The following C14orf39 variants were observed in gnomAD, a reference collection of about 807,000 sequenced individuals.
C14orf39 encodes the protein chromosome 14 open reading frame 39, also known as protein SIX6OS1.
Under a neutral mutation model 85.6 loss-of-function variants are expected in C14orf39, and 66 were observed. That is an observed-to-expected ratio of 0.77 (90% confidence interval 0.63 to 0.95). The LOEUF (loss-of-function observed/expected upper bound fraction) is 0.95, where lower values mean the gene tolerates loss of function less well. Ranked by LOEUF, C14orf39 falls within the 40% of genes least tolerant of loss-of-function variation. The pLI is 0.00. For missense variants in C14orf39, 735 were observed against 663.9 expected (o/e 1.11, Z -1.18); for synonymous variants, 242 against 214.0 (o/e 1.13, Z -1.14).
rs1440498632 is a variant in C14orf39, at chr14:60,436,020, G to A, written c.*825C>T. 6.6e-6 allele frequency: 1 copy of A among 152,058 alleles called. No individual in the cohort carries two copies. The highest frequency in any genetic ancestry group is 1.5e-5 in the Non-Finnish European group (1 of 67,980). 9.4% of individuals were successfully genotyped at this position (152,058 alleles called of 1,614,324 possible). A position where few individuals can be genotyped will look rare whatever the true frequency, so the allele number is the denominator to read the frequency against. On this transcript the variant is annotated 3_prime_UTR_variant, in exon 18 of 18. Coordinates refer to ENST00000321731, the MANE Select transcript of C14orf39 (RefSeq NM_174978.3). ...TAATTTACAAAGCACAAAATACAAT[G>A]ATATTGAGCAAAATGTTTACAGAAG...
chr14:60,469,684 G>A (rs748971659), intron 7 of C14orf39, 31 bp from the exon 8 acceptor site: 2 of 923,002 alleles, frequency 2.2e-6, no homozygotes, highest in South Asian at 2.8e-5. Context: ...TGTCATATAA[G>A]TAAATTTTAT....
chr14:60,458,569 G>T, intron 14 of C14orf39, 109 bp downstream of exon 14: 1 of 711,658 alleles, frequency 1.4e-6, no homozygotes, highest in Non-Finnish European at 2.2e-6. Context: ...TGATCACCAA[G>T]CTAACAACAT....
At position 60,492,615 on chromosome 14, in the gene C14orf39, AT is replaced by A. The variant is rs1370046142; in HGVS notation, c.-9+6680del. Among the ~76,000 whole-genome samples, 786 of 134,218 alleles carry A rather than the reference AT, an allele frequency of 5.9e-3. 4 individuals carry two copies. The highest frequency in any genetic ancestry group is 0.021 in the African/African-American group (656 of 31,190). The allele number at this position is 134,218 out of a possible 152,430, so 88.1% of individuals were successfully genotyped here. ...ACCTTATCTCTACCAAAAAAAAAAAATAATAATAAAATAAAAAATTAGCTGT... is the reference window on the plus strand; with the variant it reads ...ACCTTATCTCTACCAAAAAAAAAAAAAATAATAAAATAAAAAATTAGCTGT... On this transcript the variant is annotated intron_variant, in intron 2 of 5. Transcript: ENST00000556799.
intron 17 of C14orf39, among the ~76,000 whole-genome samples, chr14:60,440,366 C>T (rs1301383831): frequency 6.6e-6 from 1 of 152,180 alleles, no homozygotes; most frequent in Non-Finnish European, 1.5e-5. Context: ...ATGGCAACTC[C>T]ATTCCAAGTT....
rs573349266 is a variant in C14orf39, at chr14:60,473,615, A to C, written c.324-1876T>G. ...GGAAGGGATCCAGTTTCAGCTTTCT[A>C]CATATGGCTAGCCAGTTTTCCCAGC... On this transcript the variant is annotated intron_variant, in intron 5 of 17. Transcript: ENST00000321731. Among the ~76,000 whole-genome samples, 9 of 152,250 alleles carry C rather than the reference A, an allele frequency of 5.9e-5. No homozygotes were observed. In the South Asian group the frequency reaches 6.2e-4, roughly 11 times the overall value.
Position 60,466,016 on chromosome 14 carries a change from G to A in C14orf39, c.935C>T (p.Ala312Val). ...TTCTTTTTGTCTAAAGTCAATATTG[G>A]CAAGCTTTGACTGCTTCGCAGAACT... ...EESSAKQSKL[A>V]NIDFRQKEND... The change falls in exon 11 of 18, where the codon GCC becomes GTC. Residue 312 changes from alanine to valine, a missense_variant. Transcript: ENST00000321731. 6.4e-7 allele frequency: 1 copy of A among 1,564,534 alleles called. No homozygotes were observed. Among genetic ancestry groups the A allele is most frequent in the South Asian group, 1.2e-5 (1 of 83,386 alleles).
Position 60,483,587 on chromosome 14 carries a change from A to G in C14orf39, c.233+104T>C, listed in dbSNP as rs1164662009. The G allele has an allele frequency of 3.1e-6, 3 of 958,758 alleles. No individual in the cohort carries two copies. In the African/African-American group the frequency reaches 5.1e-5, roughly 16 times the overall value. The allele number at this position is 958,758 out of a possible 1,614,324, so 59.4% of individuals were successfully genotyped here. On this transcript the variant is annotated intron_variant, in intron 4 of 17. Coordinates refer to ENST00000321731, the MANE Select transcript of C14orf39 (RefSeq NM_174978.3). The stretch of plus-strand genomic sequence containing the variant: ...AACAAGGCACATTAAGACTTGATTC[A>G]TTAGCTAATACAGAATACTACTTTG...
At chr14:60,481,297 A>G (rs17097486) in intron 4 of C14orf39, among the ~76,000 whole-genome samples, 4,975 of 152,304 alleles carry the variant, frequency 0.033, 280 homozygotes, top group African/African-American at 0.11. Context: ...TTGGTTGTAC[A>G]TTACATCTTT....
chr14:60,437,438 G>C (rs546140649), intron 17 of C14orf39, among the ~76,000 whole-genome samples: 1 of 152,100 alleles, frequency 6.6e-6, no homozygotes, highest in East Asian at 1.9e-4. Flanking sequence ...GATGTATTAA[G>C]TGGAAATTAA....
intron 1 of C14orf39, chr14:60,511,073 CT>C (rs761411577): frequency 6.2e-7 from 1 of 1,612,172 alleles, no homozygotes; most frequent in Non-Finnish European, 8.5e-7. Flanking sequence ...TGTTCCCTTT[CT>C]TCCCCGTAGA....
At chr14:60,477,724 A>G (rs913437426) in intron 5 of C14orf39, among the ~76,000 whole-genome samples, 3 of 152,212 alleles carry the variant, frequency 2.0e-5, no homozygotes, top group African/African-American at 7.2e-5. Context: ...GTTCACTCAT[A>G]AAGACCATTA....
At chr14:60,502,035 A>G (rs1893155813) in intron 1 of C14orf39, among the ~76,000 whole-genome samples, 1 of 152,240 alleles carries the variant, frequency 6.6e-6, no homozygotes, top group East Asian at 1.9e-4. Flanking sequence ...TATTGCAATG[A>G]TTTAAACCTA....
rs372630104 is a variant in C14orf39, at chr14:60,456,953, T to C, written c.1322A>G (p.Glu441Gly). The C allele has an allele frequency of 3.8e-6, 6 of 1,590,636 alleles. No homozygotes were observed. The highest frequency in any genetic ancestry group is 5.1e-6 in the Non-Finnish European group (6 of 1,173,256). ...GGGGGTTTTAGGGAATTTTATTTTC[T>C]CCAATGACTCAGGTGCTTTCACAGC... ...PKAVKAPESLEKIKFPKTPPF... is the reference protein window; with the variant it reads ...PKAVKAPESLGKIKFPKTPPF... The change falls in exon 15 of 18, where the codon GAG becomes GGG. Residue 441 changes from glutamate (E) to glycine (G), a missense_variant. Physicochemically the swap from Glu to Gly is moderately conservative, Grantham distance 98. Coordinates refer to ENST00000321731, the MANE Select transcript of C14orf39 (RefSeq NM_174978.3).
chr14:60,509,291 C>G, intron 1 of C14orf39: 1 of 976,050 alleles, frequency 1.0e-6, no homozygotes, highest in Non-Finnish European at 1.6e-6. Flanking sequence ...TCCCGCTGCC[C>G]CAATCCGCCT....
intron 1 of C14orf39, chr14:60,509,937 G>T: frequency 6.2e-7 from 1 of 1,609,844 alleles, no homozygotes; most frequent in Non-Finnish European, 8.5e-7. Context: ...AAAAACCGCC[G>T]ACAAAGGGAC....
In C14orf39 at chr14:60,478,405, T is replaced by C. The variant is rs532218679; in HGVS notation, c.234-16A>G. 2.4e-4 allele frequency: 328 copies of C among 1,382,444 alleles called. 2 individuals carry two copies. The South Asian group carries it at 4.0e-3, about 17-fold the overall frequency. 85.6% of individuals were successfully genotyped at this position (1,382,444 alleles called of 1,614,324 possible). On this transcript the variant is annotated splice_polypyrimidine_tract_variant and intron_variant, in intron 4 of 17. Transcript: ENST00000321731. ...TGGCTTCCAGCTATAGAAAAAAATA[T>C]ATTTGTAATTAGCAACTCAGAATGA... is the stretch of plus-strand genomic sequence containing the variant.
intron 1 of C14orf39, chr14:60,511,326 G>A: frequency 6.7e-7 from 1 of 1,495,680 alleles, no homozygotes; most frequent in African/African-American, 1.4e-5. Context: ...AGGGGAAGAA[G>A]ATGAGAGACC....
chr14:60,457,381 A>C (rs1891328566), intron 14 of C14orf39, among the ~76,000 whole-genome samples: 1 of 151,994 alleles, frequency 6.6e-6, no homozygotes, highest in Non-Finnish European at 1.5e-5. Flanking sequence ...GAAAAAAAAG[A>C]CTAGGAATGA....
rs202029915 is a variant in C14orf39, at chr14:60,511,146, C to T, written c.-144+4249G>A. 522 of 1,612,874 alleles carry T rather than the reference C, an allele frequency of 3.2e-4. No individual in the cohort carries two copies. Among genetic ancestry groups the T allele is most frequent in the Non-Finnish European group, 4.1e-4 (489 of 1,179,914 alleles). On this transcript the variant is annotated intron_variant, in intron 1 of 5. Coordinates refer to the C14orf39 transcript ENST00000556799. ...GCACTACGGGCGGAGGGCGACGGCA[C>T]GCCAGAGGTGCTGGGCGTCGCCACC...
Sources: gnomAD v4.1 joint callset for allele counts (sites outside exome capture counted in the v4.1 genomes callset) on GRCh38, gnomAD v4.1.1 for gene constraint, MANE v1.5 for transcripts, NCBI Gene and HGNC (gene_info 2026-07-23, HGNC 2026-07-21) for gene names.